Variants in SOX6 observed in about 807,000 individuals in gnomAD.
SOX6 encodes the protein SRY-box transcription factor 6, also known as transcription factor SOX-6.
A neutral mutation model predicts 97.8 loss-of-function variants in SOX6; 11 were observed. That is an observed-to-expected ratio of 0.11 (90% CI 0.07 to 0.19). SOX6 has a LOEUF of 0.19. SOX6 is among the 10% of genes least tolerant of loss of function. The probability of loss-of-function intolerance (pLI) is 1.00; values close to 1 mark genes in which losing one functional copy is unlikely to be tolerated. For missense variants in SOX6, 810 were observed against 1,039.5 expected (o/e 0.78, Z 3.04); for synonymous variants, 360 against 371.4 (o/e 0.97, Z 0.35).
chr11:16,141,286 C>T (rs1422973062), intron 6 of SOX6, among the ~76,000 whole-genome samples: 3 of 152,108 alleles, frequency 2.0e-5, no homozygotes, highest in Non-Finnish European at 4.4e-5. Context: ...AATGAGATTA[C>T]AGGTATTCAG....
At chr11:16,024,126 A>T (rs1483479799) in intron 12 of SOX6, among the ~76,000 whole-genome samples, 1 of 152,104 alleles carries the variant, frequency 6.6e-6, no homozygotes, top group African/African-American at 2.4e-5. Flanking sequence ...ACAAAAAAGG[A>T]CACCAGGGAT....
At chr11:16,541,754 C>A (rs976602421) in intron 4 of SOX6, among the ~76,000 whole-genome samples, 1 of 152,108 alleles carries the variant, frequency 6.6e-6, no homozygotes, top group Non-Finnish European at 1.5e-5. Context: ...CAAATCAAAA[C>A]CACAATGAGA....
chr11:16,464,886 G>C (rs971947928), intron 1 of SOX6, among the ~76,000 whole-genome samples: 4 of 152,018 alleles, frequency 2.6e-5, no homozygotes, highest in Admixed American at 2.6e-4. Flanking sequence ...CATAAATCAG[G>C]GGGGAAAAAC....
At position 16,451,103 on chromosome 11, in the gene SOX6, A is replaced by T. The variant is rs933206480; in HGVS notation, c.-5+25212T>A. On this transcript the variant is annotated intron_variant, in intron 1 of 15. Coordinates refer to the SOX6 transcript ENST00000396356. ...AAAAATTAGCCAGGTATGGTGGCAC[A>T]TGCCTGTAGTCCCAGCTGCTTGGGA... is the stretch of plus-strand genomic sequence containing the variant. 3.3e-5 allele frequency among the ~76,000 whole-genome samples: 5 copies of T among 152,098 alleles called. No homozygotes were observed. The East Asian group carries it at 9.7e-4, about 29-fold the overall frequency.
intron 1 of SOX6, among the ~76,000 whole-genome samples, chr11:16,386,372 G>C (rs1185971555): frequency 2.0e-5 from 3 of 151,868 alleles, no homozygotes; most frequent in Non-Finnish European, 4.4e-5. Flanking sequence ...CTGAGTCATG[G>C]CCCTGAAACA....
At chr11:16,098,857 T>G (rs549226003) in intron 7 of SOX6, among the ~76,000 whole-genome samples, 5 of 151,840 alleles carry the variant, frequency 3.3e-5, no homozygotes, top group African/African-American at 1.2e-4. Flanking sequence ...CAAGAAAACT[T>G]TTTTTGGAGT....
intron 1 of SOX6, among the ~76,000 whole-genome samples, chr11:16,444,133 A>G (rs74728838): frequency 7.1e-6 from 1 of 141,348 alleles, no homozygotes; most frequent in Non-Finnish European, 1.5e-5. Flanking sequence ...AAACTGTTAT[A>G]AAAAAAAAAG....
intron 3 of SOX6, among the ~76,000 whole-genome samples, chr11:16,689,893 C>A (rs145177763): frequency 6.7e-4 from 100 of 150,270 alleles, no homozygotes; most frequent in African/African-American, 2.4e-3. Context: ...GATTTTGTCA[C>A]CAAGGTTATA....
At chr11:16,012,986 G>T (rs975375622) in intron 13 of SOX6, among the ~76,000 whole-genome samples, 2 of 151,960 alleles carry the variant, frequency 1.3e-5, no homozygotes, top group Non-Finnish European at 1.5e-5. Flanking sequence ...TATGCAGTAT[G>T]TTTCTCTAGA....
intron 4 of SOX6, among the ~76,000 whole-genome samples, chr11:16,595,721 T>C (rs1589999820): frequency 1.3e-5 from 2 of 151,840 alleles, no homozygotes; most frequent in South Asian, 4.2e-4. Flanking sequence ...CAATGAGCCA[T>C]GATTGTACCA....
intron 15 of SOX6, among the ~76,000 whole-genome samples, chr11:15,980,215 C>A (rs1281665605): frequency 3.3e-5 from 5 of 151,964 alleles, no homozygotes; most frequent in African/African-American, 1.2e-4. Flanking sequence ...TAGAACCAAT[C>A]TGCAAAGTAG....
intron 3 of SOX6, among the ~76,000 whole-genome samples, chr11:16,689,558 A>G (rs1354625374): frequency 1.3e-5 from 2 of 152,264 alleles, no homozygotes; most frequent in Non-Finnish European, 2.9e-5. Flanking sequence ...CATCTTGGCT[A>G]AAAGCAAAAG....
In SOX6 at chr11:16,204,429, G is replaced by A. The variant is rs574637391; in HGVS notation, c.536-17474C>T. On this transcript the variant is annotated intron_variant, in intron 4 of 15. Coordinates refer to ENST00000683767, the MANE Select transcript of SOX6 (RefSeq NM_001367873.1). ...AAGGGAGAGGACATGTGGGGGTGTG[G>A]TGTGTGTAGTATGCCTGGTATGTGT... Among the ~76,000 whole-genome samples, 6 of 152,206 alleles carry A rather than the reference G, an allele frequency of 3.9e-5. No individual in the cohort carries two copies. The East Asian group carries it at 1.2e-3, about 29-fold the overall frequency.
At chr11:16,582,962 C>T (rs1398826341) in intron 4 of SOX6, among the ~76,000 whole-genome samples, 1 of 152,022 alleles carries the variant, frequency 6.6e-6, no homozygotes, top group African/African-American at 2.4e-5. Flanking sequence ...CAAGACGCTA[C>T]TATCAAAACC....
chr11:16,327,115 T>C (rs10832593), intron 2 of SOX6, among the ~76,000 whole-genome samples: 59,585 of 151,962 alleles, frequency 0.39, 12,399 homozygotes, highest in East Asian at 0.48. Flanking sequence ...GAAATCACGC[T>C]GTATAACTGT....
chr11:16,169,786 C>T (rs1360225399), intron 6 of SOX6, among the ~76,000 whole-genome samples: 10 of 152,082 alleles, frequency 6.6e-5, no homozygotes, highest in African/African-American at 1.2e-4. Flanking sequence ...TCCCCTCCCC[C>T]TCTAGTGAAT....
At chr11:16,066,672 A>T (rs1367063182) in intron 9 of SOX6, among the ~76,000 whole-genome samples, 4 of 152,172 alleles carry the variant, frequency 2.6e-5, no homozygotes, top group African/African-American at 4.8e-5. Context: ...ATGTGTTCTC[A>T]CTTATTTATG....
At chr11:16,515,078 G>C (rs1360075431) in intron 4 of SOX6, among the ~76,000 whole-genome samples, 1 of 150,256 alleles carries the variant, frequency 6.7e-6, no homozygotes, top group Non-Finnish European at 1.5e-5. Context: ...GGGATGGCTG[G>C]GTCAAATGGT....
intron 1 of SOX6, among the ~76,000 whole-genome samples, chr11:16,347,988 G>A (rs1856815587): frequency 6.6e-6 from 1 of 151,280 alleles, no homozygotes; most frequent in Admixed American, 6.6e-5. Context: ...CCTATTCAAA[G>A]ACAGACAAGA....
Sources: allele counts gnomAD v4.1 joint callset (sites outside exome capture counted in the v4.1 genomes callset), GRCh38; gene constraint gnomAD v4.1.1; transcripts MANE v1.5; gene names NCBI Gene and HGNC (gene_info 2026-07-23, HGNC 2026-07-21).